The following MGAT4C variants were observed in gnomAD, a reference collection of about 807,000 sequenced individuals.
MGAT4C encodes the protein MGAT4 family member C.
Under a neutral mutation model 40.1 loss-of-function variants are expected in MGAT4C, and 19 were observed. The observed-to-expected ratio is 0.47, with a 90% CI of 0.33 to 0.70. The LOEUF is 0.70. MGAT4C is among the 30% of genes least tolerant of loss of function. The probability of loss-of-function intolerance (pLI) is 0.02; values close to 1 mark genes in which losing one functional copy is unlikely to be tolerated. For missense variants in MGAT4C, 491 were observed against 563.2 expected (o/e 0.87, Z 1.30); for synonymous variants, 181 against 187.1 (o/e 0.97, Z 0.27).
At chr12:86,126,762 C>A (rs1327438198) in intron 1 of MGAT4C, among the ~76,000 whole-genome samples, 2 of 152,128 alleles carry the variant, frequency 1.3e-5, no homozygotes, top group African/African-American at 4.8e-5. Flanking sequence ...GCAATTTTGT[C>A]GTTGTGTGAA....
intron 1 of MGAT4C, among the ~76,000 whole-genome samples, chr12:86,117,586 C>A (rs2135670004): frequency 6.6e-6 from 1 of 152,210 alleles, no homozygotes; most frequent in South Asian, 2.1e-4. Flanking sequence ...GAATGAAGAA[C>A]CATCATCACT....
chr12:86,153,933 C>A (rs1342845471), intron 1 of MGAT4C, among the ~76,000 whole-genome samples: 2 of 152,020 alleles, frequency 1.3e-5, no homozygotes, highest in African/African-American at 4.8e-5. Flanking sequence ...TTTTCTTTCT[C>A]TGAAAATTAA....
At chr12:86,554,199 A>G (rs1042729672) in intron 2 of MGAT4C, among the ~76,000 whole-genome samples, 1 of 151,990 alleles carries the variant, frequency 6.6e-6, no homozygotes, top group African/African-American at 2.4e-5. Flanking sequence ...TTAAGTATTT[A>G]CATTTCTCAT....
At chr12:86,585,542 T>C (rs998544859) in intron 2 of MGAT4C, among the ~76,000 whole-genome samples, 2 of 151,566 alleles carry the variant, frequency 1.3e-5, no homozygotes, top group Admixed American at 1.3e-4. Flanking sequence ...TTGATGGCTA[T>C]AATTTCTTAT....
chr12:86,046,395 T>G (rs977378927), intron 2 of MGAT4C, among the ~76,000 whole-genome samples: 1 of 152,174 alleles, frequency 6.6e-6, no homozygotes, highest in Non-Finnish European at 1.5e-5. Context: ...CTGACTGCCA[T>G]GGGAACAGAC....
chr12:86,051,314 C>T (rs1251496669), intron 1 of MGAT4C, among the ~76,000 whole-genome samples: 1 of 151,898 alleles, frequency 6.6e-6, no homozygotes, highest in African/African-American at 2.4e-5. Flanking sequence ...ACAACTAGTT[C>T]ATGAATTTTG....
intron 2 of MGAT4C, among the ~76,000 whole-genome samples, chr12:86,702,534 A>G (rs539524463): frequency 3.3e-4 from 50 of 152,322 alleles, no homozygotes; most frequent in Admixed American, 1.3e-3. Context: ...CATTCTGGAA[A>G]TCCTATAGCT....
chr12:86,802,234 A>T (rs1254751680), intron 1 of MGAT4C, among the ~76,000 whole-genome samples: 3 of 151,928 alleles, frequency 2.0e-5, no homozygotes, highest in African/African-American at 7.2e-5. Context: ...ACCTGGGTTA[A>T]ATGGGATATC....
chr12:86,685,497 T>C (rs1186632311), intron 2 of MGAT4C, among the ~76,000 whole-genome samples: 1 of 152,172 alleles, frequency 6.6e-6, no homozygotes, highest in African/African-American at 2.4e-5. Context: ...TTGCTTAGGA[T>C]TGCCTTGGCT....
intron 3 of MGAT4C, among the ~76,000 whole-genome samples, chr12:86,415,022 T>C (rs1330757052): frequency 6.6e-6 from 1 of 152,068 alleles, no homozygotes; most frequent in African/African-American, 2.4e-5. Context: ...CTGGTGATAC[T>C]AGACAAACCT....
At chr12:86,105,424 C>CA (rs2135614814) in intron 1 of MGAT4C, among the ~76,000 whole-genome samples, 1 of 152,240 alleles carries the variant, frequency 6.6e-6, no homozygotes, top group South Asian at 2.1e-4. Flanking sequence ...ATTTCTCACA[C>CA]AGGCCTCATT....
intron 2 of MGAT4C, among the ~76,000 whole-genome samples, chr12:86,689,246 C>A (rs1950130649): frequency 6.6e-6 from 1 of 152,128 alleles, no homozygotes; most frequent in Non-Finnish European, 1.5e-5. Flanking sequence ...GTTCCTGTAA[C>A]CTTTTGTCAA....
At chr12:86,809,976 T>A (rs1426458340) in intron 1 of MGAT4C, among the ~76,000 whole-genome samples, 2 of 152,068 alleles carry the variant, frequency 1.3e-5, no homozygotes, top group African/African-American at 2.4e-5. Flanking sequence ...ATCCGTACTA[T>A]ATTGATTCCA....
chr12:86,034,543 A>G (rs1429679928), intron 2 of MGAT4C, among the ~76,000 whole-genome samples: 2 of 147,230 alleles, frequency 1.4e-5, no homozygotes, highest in African/African-American at 4.9e-5. Context: ...AGAAATGTGC[A>G]TAGTAGTCTC....
intron 2 of MGAT4C, among the ~76,000 whole-genome samples, chr12:86,446,289 A>C (rs1022535851): frequency 6.6e-6 from 1 of 152,084 alleles, no homozygotes; most frequent in South Asian, 2.1e-4. Flanking sequence ...CAGTAAAAAA[A>C]CAAAGTCATT....
chr12:86,712,699 A>G (rs1950578862), intron 2 of MGAT4C, among the ~76,000 whole-genome samples: 1 of 152,114 alleles, frequency 6.6e-6, no homozygotes, highest in Non-Finnish European at 1.5e-5. Flanking sequence ...AATTTTGAGG[A>G]AGGTGAGAAT....
chr12:86,326,358 T>C (rs1443357320), intron 4 of MGAT4C, among the ~76,000 whole-genome samples: 1 of 151,830 alleles, frequency 6.6e-6, no homozygotes, highest in Non-Finnish European at 1.5e-5. Context: ...GTGATTTATA[T>C]GTTAATTAGC....
intron 2 of MGAT4C, among the ~76,000 whole-genome samples, chr12:86,452,636 A>T (rs1957444832): frequency 6.6e-6 from 1 of 152,026 alleles, no homozygotes; most frequent in Non-Finnish European, 1.5e-5. Flanking sequence ...TCCTGAATAT[A>T]GGGCCAAATT....
intron 2 of MGAT4C, among the ~76,000 whole-genome samples, chr12:86,443,793 G>T (rs1289249764): frequency 6.6e-6 from 1 of 151,784 alleles, no homozygotes; most frequent in African/African-American, 2.4e-5. Context: ...ACAGGGTTTC[G>T]CCTTGTTAGC....
Sources: allele counts gnomAD v4.1 joint callset (sites outside exome capture counted in the v4.1 genomes callset), GRCh38; gene constraint gnomAD v4.1.1; transcripts MANE v1.5; gene names NCBI Gene and HGNC (gene_info 2026-07-23, HGNC 2026-07-21).